Variants in R3HDM1 observed in about 807,000 individuals in gnomAD.
R3HDM1 encodes R3H domain-containing protein 1.
Under a neutral mutation model 141.1 loss-of-function variants are expected in R3HDM1, and 46 were observed. That is an observed-to-expected ratio of 0.33 (90% CI 0.26 to 0.42). The LOEUF (loss-of-function observed/expected upper bound fraction) is 0.42, where lower values mean the gene tolerates loss of function less well. Ranked by LOEUF, R3HDM1 falls within the 10% of genes least tolerant of loss-of-function variation. The pLI is 1.00. For missense variants in R3HDM1, 1,184 were observed against 1,368.3 expected (o/e 0.87, Z 2.12); for synonymous variants, 435 against 472.9 (o/e 0.92, Z 1.04).
chr2:135,642,866 ATAAC>A (rs1388842313), intron 15 of R3HDM1, among the ~76,000 whole-genome samples: 2 of 152,178 alleles, frequency 1.3e-5, no homozygotes, highest in African/African-American at 4.8e-5. Context: ...ATTAGCATAA[ATAAC>A]TGATTTTTCA....
intron 20 of R3HDM1, among the ~76,000 whole-genome samples, chr2:135,679,908 C>T (rs1354948221): frequency 6.6e-6 from 1 of 152,044 alleles, no homozygotes; most frequent in Non-Finnish European, 1.5e-5. Context: ...GGTGAAACCC[C>T]ATCTCTACTA....
intron 1 of R3HDM1, among the ~76,000 whole-genome samples, chr2:135,540,339 T>G (rs2104892380): frequency 6.6e-6 from 1 of 152,294 alleles, no homozygotes; most frequent in South Asian, 2.1e-4. Context: ...TCCACACTCT[T>G]GTTGATATTT....
chr2:135,580,910 C>T (rs1168117189), intron 1 of R3HDM1, among the ~76,000 whole-genome samples: 6 of 152,060 alleles, frequency 3.9e-5, no homozygotes, highest in African/African-American at 1.4e-4. Context: ...TATTTCTTTC[C>T]CTGGCTAATT....
At chr2:135,568,160 G>C (rs892584766) in intron 1 of R3HDM1, among the ~76,000 whole-genome samples, 1 of 151,778 alleles carries the variant, frequency 6.6e-6, no homozygotes, top group African/African-American at 2.4e-5. Flanking sequence ...AGACTCAGGT[G>C]ATTCTCCCAC....
intron 15 of R3HDM1, among the ~76,000 whole-genome samples, chr2:135,644,225 A>T (rs1274221979): frequency 2.0e-5 from 3 of 152,190 alleles, no homozygotes; most frequent in African/African-American, 7.2e-5. Context: ...TAGAGAAGCC[A>T]GGTGCAGTGG....
chr2:135,622,880 T>A (rs763778050), intron 7 of R3HDM1, 148 bp downstream of exon 7: 6 of 1,355,878 alleles, frequency 4.4e-6, no homozygotes, highest in Non-Finnish European at 5.7e-6. Flanking sequence ...GGCAAAGATG[T>A]TGTTGGTCTA....
intron 19 of R3HDM1, among the ~76,000 whole-genome samples, chr2:135,671,285 C>T (rs778446222): frequency 2.0e-5 from 3 of 151,560 alleles, no homozygotes; most frequent in Non-Finnish European, 2.9e-5. Context: ...GATTTGTATT[C>T]GTGGGAGTGT....
chr2:135,617,120 G>A (rs200804832), intron 5 of R3HDM1, among the ~76,000 whole-genome samples: 1 of 151,994 alleles, frequency 6.6e-6, no homozygotes, highest in Non-Finnish European at 1.5e-5. Context: ...TCAGGAGATC[G>A]AGACCATCCT....
chr2:135,695,271 A>G (rs983803144), intron 21 of R3HDM1, among the ~76,000 whole-genome samples: 1 of 152,192 alleles, frequency 6.6e-6, no homozygotes, highest in Non-Finnish European at 1.5e-5. Flanking sequence ...CCTGTCTCCA[A>G]TCAAAAATTA....
Position 135,651,860 on chromosome 2 carries a change from T to G in R3HDM1, c.1856T>G (p.Ile619Ser). ...CAGTCTCCACAGCAGTCTGGTTATATCATGACAGCAGCCCCTCCACCACAT... is the reference window on the plus strand; with the variant it reads ...CAGTCTCCACAGCAGTCTGGTTATAGCATGACAGCAGCCCCTCCACCACAT... The part of the protein sequence containing the change: ...VLQSPQQSGY[I>S]MTAAPPPHPP... The change falls in exon 18 of 27, where the codon ATC (isoleucine) becomes AGC (serine). Residue 619 changes from isoleucine (I) to serine (S), a missense_variant. Ile to Ser is a moderately radical substitution (Grantham distance 142). Around this residue, in one of 5 missense-constraint regions of R3HDM1, gnomAD observed 563 missense variants for 562.0 expected, o/e 1.00. Transcript: ENST00000683871. 6.2e-7 allele frequency: 1 copy of G among 1,614,070 alleles called. No individual in the cohort carries two copies. The highest frequency in any genetic ancestry group is 8.5e-7 in the Non-Finnish European group (1 of 1,180,014).
intron 1 of R3HDM1, among the ~76,000 whole-genome samples, chr2:135,541,030 G>T (rs1421105209): frequency 6.6e-6 from 1 of 152,050 alleles, no homozygotes; most frequent in Non-Finnish European, 1.5e-5. Context: ...TCAACAGAGG[G>T]TTTTAAGTAT....
At chr2:135,592,292 G>A (rs59667106) in intron 1 of R3HDM1, among the ~76,000 whole-genome samples, 6,556 of 152,222 alleles carry the variant, frequency 0.043, 480 homozygotes, top group African/African-American at 0.15. Context: ...GCCTACTAAG[G>A]ACAAAGGTCA....
chr2:135,719,136 A>G (rs1559513368), intron 24 of R3HDM1, among the ~76,000 whole-genome samples: 1 of 152,058 alleles, frequency 6.6e-6, no homozygotes, highest in Non-Finnish European at 1.5e-5. Context: ...CGACAGAGCA[A>G]GACTCCATCG....
intron 1 of R3HDM1, among the ~76,000 whole-genome samples, chr2:135,560,175 T>C (rs887824830): frequency 6.6e-6 from 1 of 152,334 alleles, no homozygotes; most frequent in Middle Eastern, 3.4e-3. Flanking sequence ...AATTTCAAGT[T>C]CTTAGGATTT....
intron 21 of R3HDM1, 64 bp from the exon 22 acceptor site, chr2:135,709,369 G>T: frequency 6.3e-7 from 1 of 1,599,388 alleles, no homozygotes; most frequent in Non-Finnish European, 8.5e-7. Context: ...ACCGCGCCCA[G>T]CCCATTCAAG....
At chr2:135,580,180 G>T (rs1706467832) in intron 1 of R3HDM1, among the ~76,000 whole-genome samples, 1 of 152,196 alleles carries the variant, frequency 6.6e-6, no homozygotes, top group South Asian at 2.1e-4. Context: ...GAGCCCAGGA[G>T]GTGGAGGTTG....
At chr2:135,556,987 A>G (rs1700906364) in intron 1 of R3HDM1, among the ~76,000 whole-genome samples, 1 of 151,992 alleles carries the variant, frequency 6.6e-6, no homozygotes, top group Non-Finnish European at 1.5e-5. Flanking sequence ...TTCTTCACTG[A>G]TCTTGCTTAT....
At chr2:135,652,306 C>T (rs1282956899) in intron 18 of R3HDM1, among the ~76,000 whole-genome samples, 1 of 152,004 alleles carries the variant, frequency 6.6e-6, no homozygotes, top group African/African-American at 2.4e-5. Flanking sequence ...CTAAGGGAAA[C>T]ACAATAAAGT....
intron 1 of R3HDM1, among the ~76,000 whole-genome samples, chr2:135,598,180 T>C (rs1473983820): frequency 6.6e-6 from 1 of 152,190 alleles, no homozygotes; most frequent in Non-Finnish European, 1.5e-5. Flanking sequence ...CATTGTTCCT[T>C]AGCCACAAAC....
Sources: gnomAD v4.1 joint callset for allele counts (sites outside exome capture counted in the v4.1 genomes callset) on GRCh38, gnomAD v4.1.1 for gene constraint, gnomAD v4.1.1 regional missense constraint, MANE v1.5 for transcripts, NCBI Gene and HGNC (gene_info 2026-07-23, HGNC 2026-07-21) for gene names.